Variants in CPEB2 observed in about 807,000 individuals in gnomAD.
CPEB2 encodes the protein cytoplasmic polyadenylation element-binding protein 2.
Under a neutral mutation model 93.6 loss-of-function variants are expected in CPEB2, and 56 were observed. That is an observed-to-expected ratio of 0.60 (90% CI 0.48 to 0.75). CPEB2 has a LOEUF of 0.75. Among genes scored for constraint, CPEB2 ranks in the 30% least tolerant of loss-of-function variants. CPEB2 has a pLI of 0.00. For missense variants in CPEB2, 1,579 were observed against 1,395.1 expected, an observed-to-expected ratio of 1.13 and a Z score of -2.10; for synonymous variants, 764 against 586.3, an observed-to-expected ratio of 1.30 and a Z score of -4.38.
Position 15,003,648 on chromosome 4 carries a change from C to T in CPEB2, c.975C>T (p.Pro325=). The T allele has an allele frequency of 1.4e-6, 2 of 1,479,152 alleles. No individual in the cohort carries two copies. The highest frequency in any genetic ancestry group is 1.8e-6 in the Non-Finnish European group (2 of 1,118,998). 91.6% of individuals were successfully genotyped at this position (1,479,152 alleles called of 1,614,324 possible). Reference sequence around the variant, plus strand: ...CCAACCACCCTCTGCTCAACAGTCCCAGTAACCTCCTGCCCGGAGGTGCGC... The same window carrying T: ...CCAACCACCCTCTGCTCAACAGTCCTAGTAACCTCCTGCCCGGAGGTGCGC... ...ESPNHPLLNS[P]SNLLPGGALG... Residue 325 remains proline (P), a synonymous_variant, in exon 1 of 12, where the codon CCC becomes CCT. Transcript: ENST00000538197.
chr4:15,027,939 G>A (rs1725657984), intron 4 of CPEB2, among the ~76,000 whole-genome samples: 1 of 152,192 alleles, frequency 6.6e-6, no homozygotes, highest in Admixed American at 6.5e-5. Context: ...TCAACTGCTA[G>A]TAAGTGGTGG....
chr4:15,069,552 T>C lies in CPEB2; in HGVS notation c.*3172T>C, dbSNP rs1729939876. 6.6e-6 allele frequency: 1 copy of C among 152,296 alleles called. No individual in the cohort carries two copies. The highest frequency in any genetic ancestry group is 1.5e-5 in the Non-Finnish European group (1 of 67,854). 9.4% of individuals were successfully genotyped at this position (152,296 alleles called of 1,614,324 possible). ...TTGCTAACAAAAGGAGAGACTTTTT[T>C]CATGCATATTTCTATTTTGTTTTTT... is the stretch of plus-strand genomic sequence containing the variant. On this transcript the variant is annotated 3_prime_UTR_variant, in exon 12 of 12. Coordinates refer to ENST00000538197, the MANE Select transcript of CPEB2 (RefSeq NM_001177382.2).
At chr4:15,007,905 A>C (rs1217684006) in intron 2 of CPEB2, among the ~76,000 whole-genome samples, 1 of 152,150 alleles carries the variant, frequency 6.6e-6, no homozygotes, top group Non-Finnish European at 1.5e-5. Context: ...GGGCCACCAA[A>C]ATTTGTTTCT....
In CPEB2 at chr4:15,002,832, G is replaced by C. The variant is rs1172371759; in HGVS notation, c.159G>C (p.Leu53Phe). The change falls in exon 1 of 12, where the codon TTG (leucine) becomes TTC (phenylalanine). Residue 53 changes from leucine to phenylalanine, a missense_variant. Around this residue, in one of 2 missense-constraint regions of CPEB2, gnomAD observed 1,411 missense variants for 1,056.0 expected, o/e 1.34. Transcript: ENST00000538197. ...TPFGPLSPPPLPVTGFLEAAS... is the reference protein window; with the variant it reads ...TPFGPLSPPPFPVTGFLEAAS... ...TCGGCCCACTGTCGCCACCACCGTTGCCTGTCACCGGCTTCTTAGAGGCCG... is the reference window on the plus strand; with the variant it reads ...TCGGCCCACTGTCGCCACCACCGTTCCCTGTCACCGGCTTCTTAGAGGCCG... 1 of 1,535,224 alleles carries C rather than the reference G, an allele frequency of 6.5e-7. No homozygotes were observed. The highest frequency in any genetic ancestry group is 2.0e-5 in the Admixed American group (1 of 50,974).
intron 5 of CPEB2, among the ~76,000 whole-genome samples, chr4:15,035,711 G>A (rs890026049): frequency 6.6e-6 from 1 of 152,170 alleles, no homozygotes; most frequent in Admixed American, 6.5e-5. Flanking sequence ...TTGGGACAAA[G>A]TTTAGGTAAA....
In CPEB2 at chr4:15,004,131, C is replaced by T; in HGVS notation, c.1458C>T (p.Gly486=). 2 of 655,082 alleles carry T rather than the reference C, an allele frequency of 3.1e-6. No homozygotes were observed. The highest frequency in any genetic ancestry group is 5.0e-6 in the Non-Finnish European group (2 of 403,652). The allele number at this position is 655,082 out of a possible 1,614,324, so 40.6% of individuals were successfully genotyped here. Residue 486 remains glycine, a synonymous_variant, in exon 1 of 12, where the codon GGC becomes GGT. Transcript: ENST00000538197. ...LSVPTSGGGG[G]GFGGPFSATA... is the part of the protein sequence containing the mutation. ...TTCCGACGAGCGGCGGCGGCGGCGG[C>T]GGCTTCGGCGGCCCCTTCTCGGCTA...
Position 15,003,868 on chromosome 4 carries a change from C to A in CPEB2, c.1195C>A (p.Pro399Thr). 4 of 854,766 alleles carry A rather than the reference C, an allele frequency of 4.7e-6. No individual in the cohort carries two copies. Among genetic ancestry groups the A allele is most frequent in the Non-Finnish European group, 6.2e-6 (4 of 648,856 alleles). 52.9% of individuals were successfully genotyped at this position (854,766 alleles called of 1,614,324 possible). The change falls in exon 1 of 12, where the codon CCG becomes ACG. Residue 399 changes from proline (P) to threonine (T), a missense_variant. By Grantham distance (38) the Pro-to-Thr change is conservative. Around this residue, in one of 2 missense-constraint regions of CPEB2, gnomAD observed 1,411 missense variants for 1,056.0 expected, o/e 1.34. Coordinates refer to ENST00000538197, the MANE Select transcript of CPEB2 (RefSeq NM_001177382.2). ...SPPPQPQQPP[P>T]TQPQQQPPPP... ...GCCACCCCAGCCCCAGCAGCCGCCG[C>A]CGACCCAGCCGCAGCAGCAGCCGCC...
chr4:15,054,073 C>G (rs892285267), intron 7 of CPEB2, 55 bp from the exon 8 acceptor site: 20 of 1,220,316 alleles, frequency 1.6e-5, no homozygotes, highest in Non-Finnish European at 2.2e-5. Flanking sequence ...TACAGAATTT[C>G]TTAGAACGAA....
intron 3 of CPEB2, among the ~76,000 whole-genome samples, chr4:15,011,495 A>T (rs1481442430): frequency 6.6e-6 from 1 of 152,076 alleles, no homozygotes; most frequent in Non-Finnish European, 1.5e-5. Context: ...CAAAAGTTTG[A>T]ATTCTAAATT....
In CPEB2 at chr4:15,030,612, A is replaced by G. The variant is rs189623922; in HGVS notation, c.2126-2549A>G. 5.3e-5 allele frequency among the ~76,000 whole-genome samples: 8 copies of G among 152,232 alleles called. No individual in the cohort carries two copies. The East Asian group carries it at 7.7e-4, about 15-fold the overall frequency. On this transcript the variant is annotated intron_variant, in intron 4 of 11. Coordinates refer to ENST00000538197, the MANE Select transcript of CPEB2 (RefSeq NM_001177382.2). ...AAAACTTAACTTTAAAAGTTAACCT[A>G]TGAAGATGCATTAATGTTTCCACTG...
rs141601239 is a variant in CPEB2, at chr4:15,007,396, A to G, written c.1754A>G (p.His585Arg). The part of the protein sequence containing the change: ...MSWGAMHGRD[H>R]RRTGNMGIPG... ...TGGGGAGCAATGCATGGCAGAGATC[A>G]TCGTAGAACCGGAAACATGGGAATC... Residue 585 changes from histidine to arginine, a missense_variant, in exon 2 of 12, where the codon CAT (histidine) becomes CGT (arginine). Physicochemically the swap from His to Arg is conservative, Grantham distance 29. Coordinates refer to ENST00000538197, the MANE Select transcript of CPEB2 (RefSeq NM_001177382.2). 3 of 1,613,952 alleles carry G rather than the reference A, an allele frequency of 1.9e-6. No homozygotes were observed. In the East Asian group the frequency reaches 6.7e-5, roughly 36 times the overall value.
In CPEB2 at chr4:15,052,502, T is replaced by C. The variant is rs200887250; in HGVS notation, c.2289T>C (p.Tyr763=). ...QVGVLNSPTC[Y]SAHQNGERIE... is the part of the protein sequence containing the mutation. Reference sequence around the variant, plus strand: ...GAGTTTTAAATTCACCCACCTGTTATTCAGCTCACCAAAATGGAGAGCGAA... The same window carrying C: ...GAGTTTTAAATTCACCCACCTGTTACTCAGCTCACCAAAATGGAGAGCGAA... Residue 763 remains tyrosine, a synonymous_variant, in exon 7 of 12, where the codon TAT becomes TAC. Coordinates refer to ENST00000538197, the MANE Select transcript of CPEB2 (RefSeq NM_001177382.2). 20 of 1,598,992 alleles carry C rather than the reference T, an allele frequency of 1.3e-5. No individual in the cohort carries two copies. In the East Asian group the frequency reaches 2.5e-4, roughly 20 times the overall value.
chr4:15,017,136 T>G, intron 3 of CPEB2, 52 bp from the exon 4 acceptor site: 1 of 1,034,382 alleles, frequency 9.7e-7, no homozygotes, highest in Non-Finnish European at 1.5e-6. Context: ...TTATAATCGC[T>G]TTTTGAAAAA....
intron 4 of CPEB2, among the ~76,000 whole-genome samples, chr4:15,028,234 C>T (rs1425029436): frequency 1.3e-5 from 2 of 151,256 alleles, no homozygotes; most frequent in Non-Finnish European, 2.9e-5. Context: ...TTTATCTTGG[C>T]AAAGAGCAAT....
chr4:15,028,419 T>G (rs1725710583), intron 4 of CPEB2, among the ~76,000 whole-genome samples: 1 of 152,028 alleles, frequency 6.6e-6, no homozygotes, highest in African/African-American at 2.4e-5. Context: ...ATTCAGTCCA[T>G]AGTTTACATA....
chr4:15,039,398 T>A lies in CPEB2; in HGVS notation c.2177-1066T>A, dbSNP rs180874368. 2.8e-3 allele frequency among the ~76,000 whole-genome samples: 423 copies of A among 152,312 alleles called. 1 individual carries two copies. Among genetic ancestry groups the A allele is most frequent in the Non-Finnish European group, 3.1e-3 (214 of 68,018 alleles). On this transcript the variant is annotated intron_variant, in intron 5 of 11. Transcript: ENST00000538197. ...TTTTGATCTTTAAGTTTTATATTTTTAGGTAGACATTTCTGGCAACTTTCA... is the reference window on the plus strand; with the variant it reads ...TTTTGATCTTTAAGTTTTATATTTTAAGGTAGACATTTCTGGCAACTTTCA...
At chr4:15,008,545 C>A in intron 3 of CPEB2, 118 bp downstream of exon 3, 1 of 523,186 alleles carries the variant, frequency 1.9e-6, no homozygotes, top group Non-Finnish European at 3.2e-6. Flanking sequence ...TTAGAGGACA[C>A]TGAAGCAATT....
chr4:15,057,942 C>T (rs1245356127), intron 8 of CPEB2, among the ~76,000 whole-genome samples: 1 of 152,144 alleles, frequency 6.6e-6, no homozygotes, highest in Non-Finnish European at 1.5e-5. Context: ...CTTGGATTAA[C>T]CTGAGGGCAT....
At chr4:15,063,167 G>T (rs1729362175) in intron 11 of CPEB2, among the ~76,000 whole-genome samples, 1 of 151,964 alleles carries the variant, frequency 6.6e-6, no homozygotes, top group South Asian at 2.1e-4. Context: ...CTCTTCTGGG[G>T]CTGTTTGGCA....
Sources: allele counts gnomAD v4.1 joint callset (sites outside exome capture counted in the v4.1 genomes callset), GRCh38; gene constraint gnomAD v4.1.1; regional missense constraint gnomAD v4.1.1; transcripts MANE v1.5; gene names NCBI Gene and HGNC (gene_info 2026-07-23, HGNC 2026-07-21).